The following ADSS2 variants were observed in gnomAD, a reference collection of about 807,000 sequenced individuals.
The protein encoded by ADSS2 is adenylosuccinate synthetase isozyme 2.
A neutral mutation model predicts 60.0 loss-of-function variants in ADSS2; 30 were observed. The ratio of observed to expected loss-of-function variants is 0.50; its 90% CI spans 0.37 to 0.68. The LOEUF is 0.68. ADSS2 is among the 30% of genes least tolerant of loss of function. The pLI is 0.00. For missense variants in ADSS2, 373 were observed against 554.8 expected, an observed-to-expected ratio of 0.67 and a Z score of 3.29; for synonymous variants, 187 against 193.1, an observed-to-expected ratio of 0.97 and a Z score of 0.26.
chr1:244,416,262 C>T (rs1223054217), intron 10 of ADSS2, among the ~76,000 whole-genome samples, 184 bp from the exon 11 acceptor site: 1 of 152,190 alleles, frequency 6.6e-6, no homozygotes, highest in Non-Finnish European at 1.5e-5. Context: ...ACAATATACA[C>T]TGAGTTACTT....
intron 3 of ADSS2, among the ~76,000 whole-genome samples, chr1:244,434,884 C>T (rs921112045): frequency 2.0e-5 from 3 of 151,992 alleles, no homozygotes; most frequent in Non-Finnish European, 2.9e-5. Context: ...TAAACCTGAA[C>T]AGGGCGGGGC....
intron 3 of ADSS2, among the ~76,000 whole-genome samples, chr1:244,436,546 T>A (rs976788855): frequency 6.6e-6 from 1 of 152,218 alleles, no homozygotes; most frequent in Non-Finnish European, 1.5e-5. Flanking sequence ...AATTTCCTAG[T>A]TTTGTCACCC....
intron 3 of ADSS2, among the ~76,000 whole-genome samples, chr1:244,436,254 T>G (rs1665098653): frequency 6.6e-6 from 1 of 152,204 alleles, no homozygotes; most frequent in Non-Finnish European, 1.5e-5. Flanking sequence ...CAAATTCCCC[T>G]CACACCCTAA....
Position 244,408,559 on chromosome 1 carries a change from CTAATT to C in ADSS2, c.*1022_*1026del, listed in dbSNP as rs1664336354. ...GTAATAAAATAAATTTAAGTGGCAC[CTAATT>C]TAACATTTAAAATAGTTCATTAAAA... On this transcript the variant is annotated 3_prime_UTR_variant, in exon 13 of 13. Coordinates refer to ENST00000366535, the MANE Select transcript of ADSS2 (RefSeq NM_001126.5). The C allele has an allele frequency of 1.3e-5, 2 of 152,138 alleles. No individual in the cohort carries two copies. The highest frequency in any genetic ancestry group is 6.6e-5 in the Admixed American group (1 of 15,224). 9.4% of individuals were successfully genotyped at this position (152,138 alleles called of 1,614,324 possible). A position where few individuals can be genotyped will look rare whatever the true frequency, so the allele number is the denominator to read the frequency against.
In ADSS2 at chr1:244,451,121, G is replaced by A. The variant is rs1227134054; in HGVS notation, c.183+514C>T. ...AAGCACTGCATGCCACGGTCCTGCAGATGGGGGATCGGTGAGTCTGATTTC... is the reference window on the plus strand; with the variant it reads ...AAGCACTGCATGCCACGGTCCTGCAAATGGGGGATCGGTGAGTCTGATTTC... On this transcript the variant is annotated intron_variant, in intron 1 of 12. Transcript: ENST00000366535. This position sits in a 1 kb window ranked among gnomAD's most constrained non-coding sequence, Gnocchi z 6.6. Among the ~76,000 whole-genome samples the A allele has an allele frequency of 1.3e-5, 2 of 152,234 alleles. No individual in the cohort carries two copies. The highest frequency in any genetic ancestry group is 2.9e-5 in the Non-Finnish European group (2 of 68,042).
chr1:244,417,279 A>G (rs927998885), intron 10 of ADSS2, among the ~76,000 whole-genome samples: 5 of 152,210 alleles, frequency 3.3e-5, no homozygotes, highest in African/African-American at 1.2e-4. Flanking sequence ...CATTAAGCCC[A>G]TGCGCGGATC....
rs560748063 is a variant in ADSS2, at chr1:244,421,210, A to C, written c.664-914T>G. Among the ~76,000 whole-genome samples the C allele has an allele frequency of 1.2e-4, 18 of 152,368 alleles. No homozygotes were observed. In the South Asian group the frequency reaches 3.7e-3, roughly 32 times the overall value. ...CACATGGGCATTATAAAAATTTCTC[A>C]AAACATTTAATTGTTAGTATTACTG... On this transcript the variant is annotated intron_variant, in intron 7 of 12. Transcript: ENST00000366535.
chr1:244,434,717 T>C (rs188142122), intron 3 of ADSS2, among the ~76,000 whole-genome samples: 12 of 150,862 alleles, frequency 8.0e-5, no homozygotes, highest in Admixed American at 1.3e-4. Flanking sequence ...AAAAAGGGAG[T>C]AGGACAAACT....
intron 1 of ADSS2, among the ~76,000 whole-genome samples, chr1:244,446,048 G>GT (rs1444988037): frequency 6.6e-6 from 1 of 152,196 alleles, no homozygotes; most frequent in African/African-American, 2.4e-5. Flanking sequence ...GAGAGCAGCA[G>GT]TGTCTCAGAT....
chr1:244,444,091 T>C (rs1196831375), intron 1 of ADSS2, among the ~76,000 whole-genome samples: 1 of 152,180 alleles, frequency 6.6e-6, no homozygotes, highest in Non-Finnish European at 1.5e-5. Context: ...TTATATTAAA[T>C]ACCAAGAATA....
intron 4 of ADSS2, among the ~76,000 whole-genome samples, chr1:244,428,731 A>G (rs1664864409): frequency 1.3e-5 from 2 of 152,174 alleles, no homozygotes; most frequent in African/African-American, 4.8e-5. Flanking sequence ...GGATACCAGG[A>G]ATAAAAGAGG....
chr1:244,432,660 C>CTTTTTTTTTTTT (rs532312490), intron 3 of ADSS2, 65 bp from the exon 4 acceptor site: 12 of 387,304 alleles, frequency 3.1e-5, no homozygotes, highest in African/African-American at 3.5e-5. Flanking sequence ...ATCTTAATTT[C>CTTTTTTTTTTTT]TTTTTTTTTT....
chr1:244,446,284 T>C (rs1459281938), intron 1 of ADSS2, among the ~76,000 whole-genome samples: 2 of 152,198 alleles, frequency 1.3e-5, no homozygotes, highest in Admixed American at 6.5e-5. Flanking sequence ...CAGTTATAAA[T>C]GATGATTGTT....
In ADSS2 at chr1:244,420,053, G is replaced by A. The variant is rs1038189628; in HGVS notation, c.790+117C>T. ...CAAGATGACAAATTTCATCATTCCT[G>A]AATATACAAGCTAAAAACATTGTTT... On this transcript the variant is annotated intron_variant, in intron 8 of 12. Coordinates refer to ENST00000366535, the MANE Select transcript of ADSS2 (RefSeq NM_001126.5). 1.3e-5 allele frequency: 14 copies of A among 1,091,370 alleles called. No homozygotes were observed. In the African/African-American group the frequency reaches 1.9e-4, roughly 15 times the overall value. The allele number at this position is 1,091,370 out of a possible 1,614,324, so 67.6% of individuals were successfully genotyped here.
chr1:244,429,910 A>G (rs1664895558), intron 4 of ADSS2, among the ~76,000 whole-genome samples: 1 of 152,024 alleles, frequency 6.6e-6, no homozygotes, highest in Non-Finnish European at 1.5e-5. Flanking sequence ...AATAAAATAA[A>G]AAATATGTTT....
intron 1 of ADSS2, among the ~76,000 whole-genome samples, chr1:244,444,199 C>A (rs1454881829): frequency 6.6e-6 from 1 of 152,106 alleles, no homozygotes; most frequent in African/African-American, 2.4e-5. Flanking sequence ...TACCAATTTT[C>A]TTTGACTGTT....
chr1:244,410,035 C>T (rs1251777480), intron 12 of ADSS2, among the ~76,000 whole-genome samples: 4 of 152,200 alleles, frequency 2.6e-5, no homozygotes, highest in Admixed American at 1.3e-4. Context: ...CTGCCCACTA[C>T]AGGAGTCTAT....
intron 1 of ADSS2, among the ~76,000 whole-genome samples, chr1:244,439,886 A>ACTGGCTGAGTTCTGC (rs1293062678): frequency 1.3e-5 from 2 of 152,202 alleles, no homozygotes; most frequent in Non-Finnish European, 2.9e-5. Flanking sequence ...TTCCGTGGGC[A>ACTGGCTGAGTTCTGC]CTGGCTGAGT....
Position 244,409,374 on chromosome 1 carries a change from G to A in ADSS2, c.*212C>T. 2 of 426,116 alleles carry A rather than the reference G, an allele frequency of 4.7e-6. No homozygotes were observed. Among genetic ancestry groups the A allele is most frequent in the South Asian group, 4.9e-5 (1 of 20,354 alleles). The allele number at this position is 426,116 out of a possible 1,614,324, so 26.4% of individuals were successfully genotyped here. On this transcript the variant is annotated 3_prime_UTR_variant, in exon 13 of 13. Transcript: ENST00000366535. ...CATGAGAGCAGCAGGAGCAACAAAT[G>A]ATTTGGCAATTCCAGCTAAAGAAAG...
Sources: gnomAD v4.1 joint callset for allele counts (sites outside exome capture counted in the v4.1 genomes callset) on GRCh38, gnomAD v4.1.1 for gene constraint, Gnocchi (gnomAD v3.1) non-coding constraint, MANE v1.5 for transcripts, NCBI Gene and HGNC (gene_info 2026-07-23, HGNC 2026-07-21) for gene names.